The following TIPRL variants were observed in gnomAD, a reference collection of about 807,000 sequenced individuals.
TIPRL encodes TIP41-like protein.
In TIPRL, 10 loss-of-function variants were observed where a neutral mutation model predicts 32.3. The ratio of observed to expected loss-of-function variants is 0.31; its 90% CI spans 0.19 to 0.52. TIPRL has a LOEUF of 0.52. Among genes scored for constraint, TIPRL ranks in the 20% least tolerant of loss-of-function variants. The pLI, the probability that TIPRL is intolerant of heterozygous loss-of-function variation, is 0.96. For synonymous variants in TIPRL, 100 were observed against 114.0 expected, an observed-to-expected ratio of 0.88 and a Z score of 0.78; for missense variants, 250 against 328.1, an observed-to-expected ratio of 0.76 and a Z score of 1.84.
chr1:168,198,993 A>C lies in TIPRL; in HGVS notation c.675+12A>C. 1 of 1,602,548 alleles carries C rather than the reference A, an allele frequency of 6.2e-7. No individual in the cohort carries two copies. The highest frequency in any genetic ancestry group is 8.5e-7 in the Non-Finnish European group (1 of 1,171,660). Reference sequence around the variant, plus strand: ...TTTCTAGTTTGATGGCAAGTACTTAAATTTCAGTTTTTAGAAGTTAATTTT... The same window carrying C: ...TTTCTAGTTTGATGGCAAGTACTTACATTTCAGTTTTTAGAAGTTAATTTT... On this transcript the variant is annotated intron_variant, in intron 6 of 6. Coordinates refer to ENST00000367833, the MANE Select transcript of TIPRL (RefSeq NM_152902.5).
intron 5 of TIPRL, among the ~76,000 whole-genome samples, chr1:168,198,699 T>A (rs1700182065): frequency 6.6e-6 from 1 of 152,204 alleles, no homozygotes; most frequent in Admixed American, 6.5e-5. Context: ...TTATAAAATC[T>A]GTTTACATAT....
At chr1:168,189,236 T>G (rs149585283) in intron 3 of TIPRL, among the ~76,000 whole-genome samples, 1 of 152,386 alleles carries the variant, frequency 6.6e-6, no homozygotes, top group African/African-American at 2.4e-5. Context: ...CCATACTGCC[T>G]TGGCCATTTG....
Position 168,191,597 on chromosome 1 carries a change from C to T in TIPRL, c.516+97C>T, listed in dbSNP as rs1457286606. The T allele has an allele frequency of 2.7e-5, 29 of 1,082,690 alleles. No individual in the cohort carries two copies. In the Admixed American group the frequency reaches 8.0e-4, roughly 30 times the overall value. The allele number at this position is 1,082,690 out of a possible 1,614,324, so 67.1% of individuals were successfully genotyped here. On this transcript the variant is annotated intron_variant, in intron 4 of 6. Coordinates refer to ENST00000367833, the MANE Select transcript of TIPRL (RefSeq NM_152902.5). ...TTGAATAACACTGAGCCTGGCCGGG[C>T]GCGGTGGCTCACGCCTGTAATCCCA...
At chr1:168,196,851 G>A (rs1257259570) in intron 5 of TIPRL, among the ~76,000 whole-genome samples, 1 of 152,112 alleles carries the variant, frequency 6.6e-6, no homozygotes. Flanking sequence ...GACTCAAAAT[G>A]TTTTCTAAAA....
intron 4 of TIPRL, among the ~76,000 whole-genome samples, chr1:168,194,174 T>A (rs1700127632): frequency 6.6e-6 from 1 of 152,156 alleles, no homozygotes; most frequent in Non-Finnish European, 1.5e-5. Flanking sequence ...TAAAGTCAGA[T>A]CATTATAAGT....
chr1:168,191,850 C>T (rs1168617966), intron 4 of TIPRL, among the ~76,000 whole-genome samples: 1 of 112,380 alleles, frequency 8.9e-6, no homozygotes, highest in East Asian at 2.5e-4. Context: ...CCAGCCTGGG[C>T]GACAGAGCAA....
At chr1:168,197,234 C>T (rs928373635) in intron 5 of TIPRL, among the ~76,000 whole-genome samples, 3 of 151,298 alleles carry the variant, frequency 2.0e-5, no homozygotes, top group East Asian at 3.9e-4. Flanking sequence ...GGGAGGATTG[C>T]TTGAGCTGGT....
chr1:168,197,355 A>C (rs1337141314), intron 5 of TIPRL, among the ~76,000 whole-genome samples: 1 of 152,038 alleles, frequency 6.6e-6, no homozygotes, highest in Non-Finnish European at 1.5e-5. Context: ...ATTTGAACCT[A>C]GTAGGATAGG....
chr1:168,180,820 C>CTT (rs71118909), intron 1 of TIPRL, among the ~76,000 whole-genome samples: 2,935 of 124,066 alleles, frequency 0.024, 145 homozygotes, highest in African/African-American at 0.08. Flanking sequence ...TTTTTTATAA[C>CTT]TTTTTTTTTT....
At chr1:168,193,339 C>T (rs1383813509) in intron 4 of TIPRL, among the ~76,000 whole-genome samples, 1 of 152,136 alleles carries the variant, frequency 6.6e-6, no homozygotes, top group Non-Finnish European at 1.5e-5. Flanking sequence ...AGCTTAAGGT[C>T]ATGAAACTAA....
chr1:168,183,914 A>C lies in TIPRL; in HGVS notation c.117A>C (p.Glu39Asp), dbSNP rs1041169699. Residue 39 changes from glutamate to aspartate, a missense_variant, in exon 2 of 7, where the codon GAA becomes GAC. Physicochemically the swap from Glu to Asp is conservative, Grantham distance 45. Transcript: ENST00000367833. ...TGGTTACGTATAGATTAGCCGATGA[A>C]TTACATATGCCATCTCTCCCTGAAA... is the stretch of plus-strand genomic sequence containing the variant. ...KSADVEKLAD[E>D]LHMPSLPEMM... The C allele has an allele frequency of 3.1e-6, 5 of 1,613,410 alleles. No individual in the cohort carries two copies. In the African/African-American group the frequency reaches 6.7e-5, roughly 22 times the overall value.
Position 168,200,270 on chromosome 1 carries a change from T to C in TIPRL, c.*224T>C, listed in dbSNP as rs900265098. ...CAGATTTATATTTTCTGGAGTTAAATTTGGATGATTTCTAAATTATCACAA... is the reference window on the plus strand; with the variant it reads ...CAGATTTATATTTTCTGGAGTTAAACTTGGATGATTTCTAAATTATCACAA... On this transcript the variant is annotated 3_prime_UTR_variant, in exon 7 of 7. Transcript: ENST00000367833. 1 of 449,188 alleles carries C rather than the reference T, an allele frequency of 2.2e-6. No homozygotes were observed. Among genetic ancestry groups the C allele is most frequent in the African/African-American group, 2.0e-5 (1 of 49,474 alleles). The allele number at this position is 449,188 out of a possible 1,614,324, so 27.8% of individuals were successfully genotyped here.
At chr1:168,199,708 A>G (rs915894007) in intron 6 of TIPRL, among the ~76,000 whole-genome samples, 195 bp from the exon 7 acceptor site, 1 of 152,208 alleles carries the variant, frequency 6.6e-6, no homozygotes, top group African/African-American at 2.4e-5. Context: ...TAACCCTGTG[A>G]TCTTTGATGA....
At chr1:168,196,233 G>T (rs1478161292) in intron 4 of TIPRL, among the ~76,000 whole-genome samples, 1 of 152,136 alleles carries the variant, frequency 6.6e-6, no homozygotes, top group Non-Finnish European at 1.5e-5. Flanking sequence ...ATCAGTACCT[G>T]CCATTTTTTG....
At chr1:168,196,210 G>A (rs942179340) in intron 4 of TIPRL, among the ~76,000 whole-genome samples, 8 of 152,090 alleles carry the variant, frequency 5.3e-5, no homozygotes. Context: ...TTTTATTGGT[G>A]TTGACATTTA....
At chr1:168,183,750 C>G in intron 1 of TIPRL, 152 bp from the exon 2 acceptor site, 3 of 761,902 alleles carry the variant, frequency 3.9e-6, no homozygotes, top group Non-Finnish European at 6.2e-6. Flanking sequence ...ATGATGAAAG[C>G]ATTTTATAGA....
chr1:168,197,671 C>T (rs1404937001), intron 5 of TIPRL, among the ~76,000 whole-genome samples: 1 of 151,938 alleles, frequency 6.6e-6, no homozygotes, highest in African/African-American at 2.4e-5. Flanking sequence ...AGGCGCCCAC[C>T]ACCACACCTG....
At position 168,184,015 on chromosome 1, in the gene TIPRL, T is replaced by TA; in HGVS notation, c.220dup (p.Arg74LysfsTer11). The TA allele has an allele frequency of 3.1e-6, 5 of 1,614,124 alleles. No homozygotes were observed. The highest frequency in any genetic ancestry group is 4.2e-6 in the Non-Finnish European group (5 of 1,179,992). ...ATTGAGTTCAATGCTACAGATGCGT[T>TA]AAGATGTGTAAACAACTACCAAGGA... is the stretch of plus-strand genomic sequence containing the variant. On this transcript the variant is annotated frameshift_variant, in exon 2 of 7. Transcript: ENST00000367833. LOFTEE classifies it high-confidence loss of function.
intron 1 of TIPRL, among the ~76,000 whole-genome samples, chr1:168,182,454 T>C (rs1366969971): frequency 6.6e-6 from 1 of 152,114 alleles, no homozygotes; most frequent in African/African-American, 2.4e-5. Flanking sequence ...GGTGAAACCC[T>C]GTTTCTACTA....
Sources: allele counts gnomAD v4.1 joint callset (sites outside exome capture counted in the v4.1 genomes callset), GRCh38; gene constraint gnomAD v4.1.1; transcripts MANE v1.5; gene names NCBI Gene and HGNC (gene_info 2026-07-23, HGNC 2026-07-21).